The following CARMIL2 variants were observed in gnomAD, a reference collection of about 807,000 sequenced individuals.
CARMIL2 encodes capping protein regulator and myosin 1 linker 2.
In CARMIL2, 96 loss-of-function variants were observed where a neutral mutation model predicts 173.3. That is an observed-to-expected ratio of 0.55 (90% confidence interval 0.47 to 0.66). The LOEUF (loss-of-function observed/expected upper bound fraction) is 0.66, where lower values mean the gene tolerates loss of function less well. Among genes scored for constraint, CARMIL2 ranks in the 30% least tolerant of loss-of-function variants. The pLI, the probability that CARMIL2 is intolerant of heterozygous loss-of-function variation, is 0.00. For missense variants in CARMIL2, 1,771 were observed against 1,906.7 expected (o/e 0.93, Z 1.33); for synonymous variants, 830 against 817.1 (o/e 1.02, Z -0.27).
chr16:67,654,647 G>C lies in CARMIL2; in HGVS notation c.3537G>C (p.Leu1179=). The change falls in exon 31 of 38, where the codon CTG becomes CTC. Residue 1179 remains leucine (L), a synonymous_variant. Coordinates refer to ENST00000334583, the MANE Select transcript of CARMIL2 (RefSeq NM_001013838.3). Reference sequence around the variant, plus strand: ...ATAGCAAGGCCTACTCGATGATACTGCTGCCTGCCGAGGAGGAGGCAACGC... The same window carrying C: ...ATAGCAAGGCCTACTCGATGATACTCCTGCCTGCCGAGGAGGAGGCAACGC... ...TRDSKAYSMI[L]LPAEEEATLG... 1 of 1,587,408 alleles carries C rather than the reference G, an allele frequency of 6.3e-7. No individual in the cohort carries two copies.
intron 3 of CARMIL2, 24 bp from the exon 4 acceptor site, chr16:67,645,994 C>G: frequency 2.5e-6 from 4 of 1,613,586 alleles, no homozygotes; most frequent in Non-Finnish European, 2.5e-6. Flanking sequence ...GGGCTTGGTC[C>G]CAGCTGATCT....
Position 67,656,085 on chromosome 16 carries a change from G to C in CARMIL2, c.3742+18G>C. ...CTCAGATGGTAAGTGGGACCCTGGG[G>C]TGTGGCAGTACATTTGCCAGGAGGT... On this transcript the variant is annotated intron_variant, in intron 33 of 37. Transcript: ENST00000334583. 6.2e-7 allele frequency: 1 copy of C among 1,607,824 alleles called. No individual in the cohort carries two copies.
chr16:67,647,312 C>T lies in CARMIL2; in HGVS notation c.701C>T (p.Ser234Leu), dbSNP rs2052612528. ...TCTGCTTCTCAGAGCCTTGAGGTCTCAGAACAGATTCTGCACATGATGAGT... is the reference window on the plus strand; with the variant it reads ...TCTGCTTCTCAGAGCCTTGAGGTCTTAGAACAGATTCTGCACATGATGAGT... The part of the protein sequence containing the change: ...CVDMKLSLEV[S>L]EQILHMMSQS... Residue 234 changes from serine to leucine, a missense_variant, in exon 10 of 38, where the codon TCA becomes TTA. This residue lies in a region of CARMIL2 where 944 missense variants were observed against 975.6 expected (regional missense o/e 0.97). Coordinates refer to ENST00000334583, the MANE Select transcript of CARMIL2 (RefSeq NM_001013838.3). The T allele has an allele frequency of 1.2e-6, 2 of 1,600,326 alleles. No homozygotes were observed. The highest frequency in any genetic ancestry group is 1.7e-6 in the Non-Finnish European group (2 of 1,173,476).
Position 67,654,341 on chromosome 16 carries a change from C to G in CARMIL2, c.3231C>G (p.Pro1077=), listed in dbSNP as rs375747003. Residue 1077 remains proline (P), a synonymous_variant, in exon 31 of 38, where the codon CCC becomes CCG. Transcript: ENST00000334583. ...CTGGGTGTCCCCACAGCTGGGCCCC[C>G]GAGGAGGACCCGGCCACTGAGGGGG... ...RLIQQDRLWA[P]EEDPATEGGA... The G allele has an allele frequency of 6.3e-7, 1 of 1,593,814 alleles. No individual in the cohort carries two copies. Among genetic ancestry groups the G allele is most frequent in the Admixed American group, 1.7e-5 (1 of 57,468 alleles).
Position 67,646,100 on chromosome 16 carries a change from A to C in CARMIL2, c.249+20A>C, listed in dbSNP as rs1597742370. ...CCTCAGGTGAGACACCTAGTACCCT[A>C]CCTGGGCCTGCAGCCTGGTCTTCAT... On this transcript the variant is annotated intron_variant, in intron 4 of 37. Transcript: ENST00000334583. The surrounding 1 kb of genome is among the most constrained non-coding windows in gnomAD (Gnocchi z 4.6). The C allele has an allele frequency of 1.2e-6, 2 of 1,613,668 alleles. No individual in the cohort carries two copies. Among genetic ancestry groups the C allele is most frequent in the Non-Finnish European group, 1.7e-6 (2 of 1,179,842 alleles).
At position 67,657,258 on chromosome 16, in the gene CARMIL2, G is replaced by A; in HGVS notation, c.4137G>A (p.Gln1379=). The A allele has an allele frequency of 6.2e-7, 1 of 1,613,770 alleles. No individual in the cohort carries two copies. Among genetic ancestry groups the A allele is most frequent in the East Asian group, 2.2e-5 (1 of 44,856 alleles). ...CCTTAGAACGGCCCCTGAGGCTGCA[G>A]CGCTCCCCCGTCCTCAAACGCAGGC... The part of the protein sequence containing the change: ...QAPAERPLRL[Q]RSPVLKRRPK... The change falls in exon 37 of 38, where the codon CAG becomes CAA. Residue 1379 remains glutamine (Q), a synonymous_variant. Transcript: ENST00000334583. This position sits in a 1 kb window ranked among gnomAD's most constrained non-coding sequence, Gnocchi z 4.5.
Position 67,645,776 on chromosome 16 carries a change from G to C in CARMIL2, c.185G>C (p.Arg62Thr), listed in dbSNP as rs747475581. ...YLLHTTCLPL[R>T]VDCTFSYLEV... The stretch of plus-strand genomic sequence containing the variant: ...CTGCACACCACCTGCCTCCCGCTGA[G>C]GGTGAGTCCCAGGGCCTGGCCACAC... The change falls in exon 3 of 38, where the codon AGG becomes ACG. Residue 62 changes from arginine (R) to threonine (T), a missense_variant and splice_region_variant. Transcript: ENST00000334583. 6.2e-7 allele frequency: 1 copy of C among 1,611,964 alleles called. No individual in the cohort carries two copies. Among genetic ancestry groups the C allele is most frequent in the Non-Finnish European group, 8.5e-7 (1 of 1,179,880 alleles).
rs1420047717 is a variant in CARMIL2 at position 67,646,770 on chromosome 16, G to A, written c.523G>A (p.Glu175Lys). 6.2e-7 allele frequency: 1 copy of A among 1,613,836 alleles called. No individual in the cohort carries two copies. The highest frequency in any genetic ancestry group is 8.5e-7 in the Non-Finnish European group (1 of 1,179,892). The change falls in exon 7 of 38, where the codon GAG (glutamate) becomes AAG (lysine). Residue 175 changes from glutamate to lysine, a missense_variant. Coordinates refer to ENST00000334583, the MANE Select transcript of CARMIL2 (RefSeq NM_001013838.3). This position sits in a 1 kb window ranked among gnomAD's most constrained non-coding sequence, Gnocchi z 4.6. The stretch of plus-strand genomic sequence containing the variant: ...TGACTACAATGGCTTCCCTTTCCGA[G>A]AGGAGATTCAGTGGGTGAGGGTAGG... ...LCDYNGFPFREEIQWDVDTIY... is the reference protein window; with the variant it reads ...LCDYNGFPFRKEIQWDVDTIY...
rs2052637675 is a variant in CARMIL2 at position 67,648,208 on chromosome 16, G to A, written c.1228G>A (p.Ala410Thr). 5.0e-6 allele frequency: 8 copies of A among 1,604,748 alleles called. No homozygotes were observed. The highest frequency in any genetic ancestry group is 6.8e-6 in the Non-Finnish European group (8 of 1,176,538). The change falls in exon 14 of 38, where the codon GCG becomes ACG. Residue 410 changes from alanine to threonine, a missense_variant. Coordinates refer to ENST00000334583, the MANE Select transcript of CARMIL2 (RefSeq NM_001013838.3). This position sits in a 1 kb window ranked among gnomAD's most constrained non-coding sequence, Gnocchi z 6.1. ...RAGRGGLGPP[A>T]GVANSLPPQL... ...GGGACGGGGAGGGCTCGGTCCCCCCGCGGGTGTAGCCAACAGCCTCCCCCC... is the reference window on the plus strand; with the variant it reads ...GGGACGGGGAGGGCTCGGTCCCCCCACGGGTGTAGCCAACAGCCTCCCCCC...
rs771595439 is a variant in CARMIL2 at position 67,645,771 on chromosome 16, G to A, written c.180G>A (p.Pro60=). ...RAYLLHTTCL[P]LRVDCTFSYL... ...ACCTGCTGCACACCACCTGCCTCCC[G>A]CTGAGGGTGAGTCCCAGGGCCTGGC... Residue 60 remains proline, a synonymous_variant, in exon 3 of 38, where the codon CCG becomes CCA. Transcript: ENST00000334583. The A allele has an allele frequency of 2.9e-5, 47 of 1,611,970 alleles. No homozygotes were observed. The highest frequency in any genetic ancestry group is 1.6e-4 in the South Asian group (15 of 91,096).
chr16:67,654,082 G>GGT, intron 29 of CARMIL2, 67 bp from the exon 30 acceptor site: 1 of 208,996 alleles, frequency 4.8e-6, no homozygotes, highest in Non-Finnish European at 6.9e-6. Context: ...CTGCCGGCCG[G>GGT]GGGGGGGGGG....
chr16:67,648,736 G>C lies in CARMIL2; in HGVS notation c.1491G>C (p.Leu497=). 1.2e-6 allele frequency: 2 copies of C among 1,606,720 alleles called. No individual in the cohort carries two copies. Among genetic ancestry groups the C allele is most frequent in the Non-Finnish European group, 1.7e-6 (2 of 1,176,962 alleles). ...ACACGCACCTCCGCGACCTGCACCTGGACCTCAGCGCTTGCGAGGTGAGCG... is the reference window on the plus strand; with the variant it reads ...ACACGCACCTCCGCGACCTGCACCTCGACCTCAGCGCTTGCGAGGTGAGCG... The part of the protein sequence containing the change: ...ALNTHLRDLH[L]DLSACELRSA... Residue 497 remains leucine, a synonymous_variant, in exon 16 of 38, where the codon CTG becomes CTC. Transcript: ENST00000334583. The surrounding 1 kb of genome is among the most constrained non-coding windows in gnomAD (Gnocchi z 6.1).
In CARMIL2 at chr16:67,657,344, G is replaced by A. The variant is rs1227541310; in HGVS notation, c.4195+28G>A. On this transcript the variant is annotated intron_variant, in intron 37 of 37. Transcript: ENST00000334583. The surrounding 1 kb of genome is among the most constrained non-coding windows in gnomAD (Gnocchi z 4.5). Reference sequence around the variant, plus strand: ...AAGAGGGGGTCCAGGCCAGCTGGGAGGGTGGCAGGACTGCTTAGCCCAGCC... The same window carrying A: ...AAGAGGGGGTCCAGGCCAGCTGGGAAGGTGGCAGGACTGCTTAGCCCAGCC... The A allele has an allele frequency of 6.2e-7, 1 of 1,612,248 alleles. No homozygotes were observed. The highest frequency in any genetic ancestry group is 1.7e-5 in the Admixed American group (1 of 59,842).
intron 34 of CARMIL2, 59 bp downstream of exon 34, chr16:67,656,358 C>T: frequency 6.2e-7 from 1 of 1,611,134 alleles, no homozygotes; most frequent in Non-Finnish European, 8.5e-7. Context: ...GGAGTTGGGT[C>T]AGACTGTTGT....
In CARMIL2 at chr16:67,654,660, G is replaced by A; in HGVS notation, c.3550G>A (p.Glu1184Lys). ...CTCGATGATACTGCTGCCTGCCGAG[G>A]AGGAGGCAACGCTGGGTGCCAGACC... ...AYSMILLPAE[E>K]EATLGARPDK... Residue 1184 changes from glutamate (E) to lysine (K), a missense_variant, in exon 31 of 38, where the codon GAG becomes AAG. This residue lies in a region of CARMIL2 where 817 missense variants were observed against 903.5 expected (regional missense o/e 0.90). Coordinates refer to ENST00000334583, the MANE Select transcript of CARMIL2 (RefSeq NM_001013838.3). 4 of 1,586,572 alleles carry A rather than the reference G, an allele frequency of 2.5e-6. No individual in the cohort carries two copies. The highest frequency in any genetic ancestry group is 3.4e-6 in the Non-Finnish European group (4 of 1,164,954).
chr16:67,650,069 G>C lies in CARMIL2; in HGVS notation c.2103G>C (p.Arg701Ser). The change falls in exon 22 of 38, where the codon AGG becomes AGC. Residue 701 changes from arginine to serine, a missense_variant. Arg to Ser is a moderately radical substitution (Grantham distance 110). Around this residue, in one of 3 missense-constraint regions of CARMIL2, gnomAD observed 944 missense variants for 975.6 expected, o/e 0.97. Coordinates refer to ENST00000334583, the MANE Select transcript of CARMIL2 (RefSeq NM_001013838.3). ...AVHQIQACLL[R>S]NNRADPASSD... ...CCTAGATCCAAGCCTGTCTCTTGAG[G>C]AACAACCGCGCAGACCCTGCCTCTT... 3 of 1,613,798 alleles carry C rather than the reference G, an allele frequency of 1.9e-6. No homozygotes were observed. Among genetic ancestry groups the C allele is most frequent in the Non-Finnish European group, 2.5e-6 (3 of 1,179,858 alleles).
At chr16:67,655,804 A>ATATC (rs1016702088) in intron 32 of CARMIL2, among the ~76,000 whole-genome samples, 4 of 152,284 alleles carry the variant, frequency 2.6e-5, no homozygotes, top group Non-Finnish European at 5.9e-5. Flanking sequence ...CATCCATTCA[A>ATATC]TATCTTAAAA....
chr16:67,645,962 A>G (rs757953407), intron 3 of CARMIL2, 56 bp from the exon 4 acceptor site: 122 of 1,606,272 alleles, frequency 7.6e-5, no homozygotes, highest in Middle Eastern at 5.0e-4. Context: ...AAAGGACTGG[A>G]CTTCCATGAG....
Position 67,649,534 on chromosome 16 carries a change from A to C in CARMIL2, c.1834A>C (p.Thr612Pro). ...LRALATNPNL[T>P]ALDISGNAMG... Reference sequence around the variant, plus strand: ...GGCCCTAGCCACCAATCCTAACCTGACCGCGCTGGATATCAGCGGCAACGC... The same window carrying C: ...GGCCCTAGCCACCAATCCTAACCTGCCCGCGCTGGATATCAGCGGCAACGC... Residue 612 changes from threonine to proline, a missense_variant, in exon 20 of 38, where the codon ACC becomes CCC. Thr to Pro is a conservative substitution (Grantham distance 38, BLOSUM62 -1). Transcript: ENST00000334583. This position sits in a 1 kb window ranked among gnomAD's most constrained non-coding sequence, Gnocchi z 6.7. 2 of 1,605,872 alleles carry C rather than the reference A, an allele frequency of 1.2e-6. No individual in the cohort carries two copies. Among genetic ancestry groups the C allele is most frequent in the Non-Finnish European group, 1.7e-6 (2 of 1,179,748 alleles).
Sources: gnomAD v4.1 joint callset for allele counts (sites outside exome capture counted in the v4.1 genomes callset) on GRCh38, gnomAD v4.1.1 for gene constraint, gnomAD v4.1.1 regional missense constraint, Gnocchi (gnomAD v3.1) non-coding constraint, MANE v1.5 for transcripts, NCBI Gene and HGNC (gene_info 2026-07-23, HGNC 2026-07-21) for gene names.